Variants in ITPR3 observed in about 807,000 individuals in gnomAD.
The protein encoded by ITPR3 is inositol 1,4,5-trisphosphate-gated calcium channel ITPR3.
ITPR3 carries 173 observed loss-of-function variants against 293.2 expected under a neutral mutation model. The ratio of observed to expected loss-of-function variants is 0.59; its 90% CI spans 0.52 to 0.67. The LOEUF (loss-of-function observed/expected upper bound fraction) is 0.67. Among genes scored for constraint, ITPR3 ranks in the 30% least tolerant of loss-of-function variants. The probability of loss-of-function intolerance (pLI) is 0.00; values close to 1 mark genes in which losing one functional copy is unlikely to be tolerated. For synonymous variants in ITPR3, 1,295 were observed against 1,444.4 expected (o/e 0.90, Z 2.35); for missense variants, 2,796 against 3,592.1 (o/e 0.78, Z 5.66).
chr6:33,690,912 TGC>T lies in ITPR3; in HGVS notation c.7033-4_7033-3del. 1 of 1,613,478 alleles carries T rather than the reference TGC, an allele frequency of 6.2e-7. No homozygotes were observed. The highest frequency in any genetic ancestry group is 1.1e-5 in the South Asian group (1 of 91,054). Reference sequence around the variant, plus strand: ...TGCCATCCCTATCTCAACCCCATCCTGCAGCTCTTTGACCTCATCTACCGCGA... The same window carrying T: ...TGCCATCCCTATCTCAACCCCATCCTAGCTCTTTGACCTCATCTACCGCGA... On this transcript the variant is annotated splice_region_variant and splice_polypyrimidine_tract_variant and intron_variant, in intron 51 of 57. Transcript: ENST00000605930.
chr6:33,691,206 C>A lies in ITPR3; in HGVS notation c.7225+97C>A. 1 of 1,192,610 alleles carries A rather than the reference C, an allele frequency of 8.4e-7. No homozygotes were observed. Among genetic ancestry groups the A allele is most frequent in the Non-Finnish European group, 1.2e-6 (1 of 826,762 alleles). 73.9% of individuals were successfully genotyped at this position (1,192,610 alleles called of 1,614,324 possible). On this transcript the variant is annotated intron_variant, in intron 52 of 57. Coordinates refer to ENST00000605930, the MANE Select transcript of ITPR3 (RefSeq NM_002224.4). This position sits in a 1 kb window ranked among gnomAD's most constrained non-coding sequence, Gnocchi z 4.9. ...ACCAGGACCTGCAGCGCTTACCTCA[C>A]CAGGCTCCCGTCTGCTTCTCCTCTT...
chr6:33,674,636 C>A (rs993062282), intron 24 of ITPR3, among the ~76,000 whole-genome samples: 6 of 152,238 alleles, frequency 3.9e-5, no homozygotes, highest in South Asian at 2.1e-4. Flanking sequence ...CAGAGGCTCA[C>A]TGGGGGCTTT....
intron 1 of ITPR3, among the ~76,000 whole-genome samples, chr6:33,626,681 G>T: frequency 6.6e-6 from 1 of 152,232 alleles, no homozygotes; most frequent in African/African-American, 2.4e-5. Flanking sequence ...GGTCCAGCTT[G>T]TTCCGTTCTG....
At position 33,690,136 on chromosome 6, in the gene ITPR3, G is replaced by A. The variant is rs766249316; in HGVS notation, c.6970G>A (p.Val2324Met). The change falls in exon 51 of 58, where the codon GTG becomes ATG. Residue 2324 changes from valine (V) to methionine (M), a missense_variant. Coordinates refer to ENST00000605930, the MANE Select transcript of ITPR3 (RefSeq NM_002224.4). Reference sequence around the variant, plus strand: ...CATGGACATGGAATTCCTCTACCACGTGGGCTACATCCTGACCAGTGTCCT... The same window carrying A: ...CATGGACATGGAATTCCTCTACCACATGGGCTACATCCTGACCAGTGTCCT... ...MVMDMEFLYH[V>M]GYILTSVLGL... The A allele has an allele frequency of 1.2e-6, 2 of 1,614,136 alleles. No individual in the cohort carries two copies. Among genetic ancestry groups the A allele is most frequent in the Non-Finnish European group, 1.7e-6 (2 of 1,180,024 alleles).
intron 1 of ITPR3, among the ~76,000 whole-genome samples, chr6:33,637,081 A>G (rs1031265360): frequency 1.3e-5 from 2 of 152,218 alleles, no homozygotes; most frequent in African/African-American, 4.8e-5. Flanking sequence ...ACAATATATG[A>G]AAACATGAGG....
rs1043660166 is a variant in ITPR3 at position 33,666,896 on chromosome 6, C to T, written c.1552-233C>T. 2.0e-5 allele frequency among the ~76,000 whole-genome samples: 3 copies of T among 152,148 alleles called. No homozygotes were observed. Among genetic ancestry groups the T allele is most frequent in the Non-Finnish European group, 4.4e-5 (3 of 68,024 alleles). On this transcript the variant is annotated intron_variant, in intron 14 of 57. Transcript: ENST00000605930. This position sits in a 1 kb window ranked among gnomAD's most constrained non-coding sequence, Gnocchi z 5.1. ...CCAGATCTGAGCTGGGATTAGAATC[C>T]GCATCAGGGAGGGATAGGCTGGGGT...
Position 33,682,439 on chromosome 6 carries a change from T to G in ITPR3, c.4477-85T>G. 1 of 1,425,422 alleles carries G rather than the reference T, an allele frequency of 7.0e-7. No homozygotes were observed. 88.3% of individuals were successfully genotyped at this position (1,425,422 alleles called of 1,614,324 possible). A position where few individuals can be genotyped will look rare whatever the true frequency, so the allele number is the denominator to read the frequency against. ...GGCTCCGTCTCTCCACCCATGCCCA[T>G]TCTGATTGGGCCCTGGTTCCTGGAC... On this transcript the variant is annotated intron_variant, in intron 33 of 57. Coordinates refer to ENST00000605930, the MANE Select transcript of ITPR3 (RefSeq NM_002224.4). The surrounding 1 kb of genome is among the most constrained non-coding windows in gnomAD (Gnocchi z 5.4).
At position 33,684,645 on chromosome 6, in the gene ITPR3, G is replaced by C. The variant is rs767314392; in HGVS notation, c.5094G>C (p.Arg1698=). ...TGCTGCAAAACTACCTCCAGAACCG[G>C]AAGTCCACCTCGCGGGGGGACCTTC... The part of the protein sequence containing the change: ...KMLLQNYLQN[R]KSTSRGDLPD... The change falls in exon 38 of 58, where the codon CGG becomes CGC. Residue 1698 remains arginine, a synonymous_variant. Coordinates refer to ENST00000605930, the MANE Select transcript of ITPR3 (RefSeq NM_002224.4). This position sits in a 1 kb window ranked among gnomAD's most constrained non-coding sequence, Gnocchi z 4.2. 4.1e-5 allele frequency: 66 copies of C among 1,613,974 alleles called. No individual in the cohort carries two copies. The South Asian group carries it at 7.1e-4, about 17-fold the overall frequency.
intron 1 of ITPR3, among the ~76,000 whole-genome samples, chr6:33,625,976 C>T (rs868319311): frequency 6.6e-6 from 1 of 152,168 alleles, no homozygotes. Flanking sequence ...TCTTTGTCAC[C>T]CAGGCTGGAA....
rs771378382 is a variant in ITPR3, at chr6:33,672,079, A to G, written c.2779A>G (p.Met927Val). The G allele has an allele frequency of 6.2e-7, 1 of 1,613,590 alleles. No individual in the cohort carries two copies. Among genetic ancestry groups the G allele is most frequent in the South Asian group, 1.1e-5 (1 of 91,056 alleles). Residue 927 changes from methionine to valine, a missense_variant, in exon 22 of 58, where the codon ATG becomes GTG. Physicochemically the swap from Met to Val is conservative, Grantham distance 21. Transcript: ENST00000605930. This position sits in a 1 kb window ranked among gnomAD's most constrained non-coding sequence, Gnocchi z 5.0. Reference protein sequence around the residue: ...IQGVGHMMSTMVLSRKQSVFS... With the variant: ...IQGVGHMMSTVVLSRKQSVFS... ...GGGCGTGGGGCACATGATGTCCACCATGGTGCTGAGCCGCAAGCAGTCCGT... is the reference window on the plus strand; with the variant it reads ...GGGCGTGGGGCACATGATGTCCACCGTGGTGCTGAGCCGCAAGCAGTCCGT...
Position 33,670,572 on chromosome 6 carries a change from A to G in ITPR3, c.2437A>G (p.Lys813Glu). 6.2e-7 allele frequency: 1 copy of G among 1,611,702 alleles called. No individual in the cohort carries two copies. The highest frequency in any genetic ancestry group is 8.5e-7 in the Non-Finnish European group (1 of 1,179,142). Residue 813 changes from lysine to glutamate, a missense_variant, in exon 19 of 58, where the codon AAG (lysine) becomes GAG (glutamate). Lys to Glu is a moderately conservative substitution (Grantham distance 56). Around this residue, in one of 8 missense-constraint regions of ITPR3, gnomAD observed 955 missense variants for 1,180.8 expected, o/e 0.81. Transcript: ENST00000605930. This position sits in a 1 kb window ranked among gnomAD's most constrained non-coding sequence, Gnocchi z 6.7. Reference sequence around the variant, plus strand: ...TGAGATCCCCACAGCCATCACCATCAAGGAGTGAGAGGGGTGGAGGCAGGG... The same window carrying G: ...TGAGATCCCCACAGCCATCACCATCGAGGAGTGAGAGGGGTGGAGGCAGGG... The part of the protein sequence containing the change: ...WTEIPTAITI[K>E]DYDSNLNASR...
At chr6:33,641,821 A>G (rs928335194) in intron 2 of ITPR3, among the ~76,000 whole-genome samples, 1 of 152,096 alleles carries the variant, frequency 6.6e-6, no homozygotes, top group Non-Finnish European at 1.5e-5. Context: ...GATGCTCAGC[A>G]GCTTTAGGTC....
chr6:33,654,004 A>G lies in ITPR3; in HGVS notation c.161-1762A>G, dbSNP rs1764251320. Among the ~76,000 whole-genome samples the G allele has an allele frequency of 6.6e-6, 1 of 152,218 alleles. No homozygotes were observed. The highest frequency in any genetic ancestry group is 1.5e-5 in the Non-Finnish European group (1 of 68,042). On this transcript the variant is annotated intron_variant, in intron 2 of 57. Transcript: ENST00000605930. The surrounding 1 kb of genome is among the most constrained non-coding windows in gnomAD (Gnocchi z 4.1). Reference sequence around the variant, plus strand: ...CACTCTCTGCCGGGCGTGGTGGCTCACGCCTGTAATCCCAGCACTTTTGTA... The same window carrying G: ...CACTCTCTGCCGGGCGTGGTGGCTCGCGCCTGTAATCCCAGCACTTTTGTA...
chr6:33,672,088 A>G lies in ITPR3; in HGVS notation c.2788A>G (p.Ser930Gly). 1 of 1,613,696 alleles carries G rather than the reference A, an allele frequency of 6.2e-7. No individual in the cohort carries two copies. The highest frequency in any genetic ancestry group is 8.5e-7 in the Non-Finnish European group (1 of 1,179,852). ...VGHMMSTMVL[S>G]RKQSVFSAPS... ...GCACATGATGTCCACCATGGTGCTG[A>G]GCCGCAAGCAGTCCGTCTTCAGTGC... Residue 930 changes from serine (S) to glycine (G), a missense_variant, in exon 22 of 58, where the codon AGC becomes GGC. This residue lies in a region of ITPR3 where 955 missense variants were observed against 1,180.8 expected (regional missense o/e 0.81). Transcript: ENST00000605930. The surrounding 1 kb of genome is among the most constrained non-coding windows in gnomAD (Gnocchi z 5.0).
rs1765431988 is a variant in ITPR3 at position 33,692,908 on chromosome 6, C to T, written c.7624+15C>T. 1 of 1,613,230 alleles carries T rather than the reference C, an allele frequency of 6.2e-7. No individual in the cohort carries two copies. The highest frequency in any genetic ancestry group is 8.5e-7 in the Non-Finnish European group (1 of 1,179,554). On this transcript the variant is annotated intron_variant, in intron 55 of 57. Coordinates refer to ENST00000605930, the MANE Select transcript of ITPR3 (RefSeq NM_002224.4). The surrounding 1 kb of genome is among the most constrained non-coding windows in gnomAD (Gnocchi z 4.2). ...CTTCATCTGTGGTGAGGGCTGCTTC[C>T]TGCTCTGTGGAGGCCGCAGCGGGGC...
In ITPR3 at chr6:33,684,465, G is replaced by C. The variant is rs773625734; in HGVS notation, c.5046G>C (p.Arg1682=). The C allele has an allele frequency of 1.4e-5, 22 of 1,613,638 alleles. No individual in the cohort carries two copies. Among genetic ancestry groups the C allele is most frequent in the Middle Eastern group, 1.6e-4 (1 of 6,084 alleles). The change falls in exon 37 of 58, where the codon CGG becomes CGC. Residue 1682 remains arginine, a splice_region_variant and synonymous_variant. Transcript: ENST00000605930. This position sits in a 1 kb window ranked among gnomAD's most constrained non-coding sequence, Gnocchi z 4.2. ...MLLKKTKYGD[R]GNQLRKMLLQ... is the part of the protein sequence containing the mutation. ...TCAAGAAGACCAAGTACGGGGACCG[G>C]GTGAGTGCCCTGGTGGGGCAAGTGC...
chr6:33,685,167 A>G (rs1017426858), intron 39 of ITPR3, among the ~76,000 whole-genome samples, 192 bp from the exon 40 acceptor site: 7 of 152,110 alleles, frequency 4.6e-5, no homozygotes, highest in Admixed American at 4.6e-4. Flanking sequence ...TGAAAGGACC[A>G]CGTGACACAG....
At chr6:33,628,479 T>A (rs1763598238) in intron 1 of ITPR3, among the ~76,000 whole-genome samples, 1 of 152,172 alleles carries the variant, frequency 6.6e-6, no homozygotes, top group Non-Finnish European at 1.5e-5. Context: ...TTGGAGAGCT[T>A]GGGGTCACGC....
rs201250449 is a variant in ITPR3, at chr6:33,681,886, GT to G, written c.4477-626del. Among the ~76,000 whole-genome samples the G allele has an allele frequency of 8.0e-3, 1,171 of 146,438 alleles. 11 individuals carry two copies. The highest frequency in any genetic ancestry group is 0.041 in the East Asian group (206 of 5,054). The stretch of plus-strand genomic sequence containing the variant: ...GGGGAGAGACTTCTCAAAGTGTTAT[GT>G]TTTTTTTTTTTGAGACGGAGTCTCA... On this transcript the variant is annotated intron_variant, in intron 33 of 57. Transcript: ENST00000605930.
Sources: gnomAD v4.1 joint callset for allele counts (sites outside exome capture counted in the v4.1 genomes callset) on GRCh38, gnomAD v4.1.1 for gene constraint, gnomAD v4.1.1 regional missense constraint, Gnocchi (gnomAD v3.1) non-coding constraint, MANE v1.5 for transcripts, NCBI Gene and HGNC (gene_info 2026-07-23, HGNC 2026-07-21) for gene names.